Variants in UBQLN4 observed in about 807,000 individuals in gnomAD.
UBQLN4 encodes the protein ubiquilin 4, also known as ubiquilin-4.
A neutral mutation model predicts 60.4 loss-of-function variants in UBQLN4; 11 were observed. The ratio of observed to expected loss-of-function variants is 0.18; its 90% CI spans 0.11 to 0.30. UBQLN4 has a LOEUF of 0.30. Ranked by LOEUF, UBQLN4 falls within the 10% of genes least tolerant of loss-of-function variation. The pLI is 1.00. For missense variants in UBQLN4, 417 were observed against 795.5 expected (o/e 0.52, Z 5.72); for synonymous variants, 258 against 313.1 (o/e 0.82, Z 1.86).
At chr1:156,053,033 C>T (rs1420559863) in intron 1 of UBQLN4, among the ~76,000 whole-genome samples, 2 of 152,216 alleles carry the variant, frequency 1.3e-5, no homozygotes, top group African/African-American at 4.8e-5. Context: ...GTGGCGAACA[C>T]AGGCAACAGT....
rs957083875 is a variant in UBQLN4 at position 156,048,442 on chromosome 1, G to C, written c.900+59C>G. 4.5e-6 allele frequency: 7 copies of C among 1,548,450 alleles called. No homozygotes were observed. The highest frequency in any genetic ancestry group is 2.3e-4 in the Middle Eastern group (1 of 4,396). ...GAGCAGGCCCAGGTTTGCCTGGGGT[G>C]GGGGTAGGGAATCTCGAGCCCAGAC... On this transcript the variant is annotated intron_variant, in intron 5 of 10. Transcript: ENST00000368309. This position sits in a 1 kb window ranked among gnomAD's most constrained non-coding sequence, Gnocchi z 4.9.
At chr1:156,041,049 T>C (rs1292873222) in intron 10 of UBQLN4, among the ~76,000 whole-genome samples, 1 of 152,064 alleles carries the variant, frequency 6.6e-6, no homozygotes, top group African/African-American at 2.4e-5. Context: ...TAAGCAGAAA[T>C]GGTATAGTGT....
At position 156,044,221 on chromosome 1, in the gene UBQLN4, A is replaced by G. The variant is rs1486070489; in HGVS notation, c.903T>C (p.Phe301=). The G allele has an allele frequency of 6.4e-7, 1 of 1,561,776 alleles. No homozygotes were observed. The highest frequency in any genetic ancestry group is 1.2e-5 in the South Asian group (1 of 85,014). The change falls in exon 6 of 11, where the codon TTT becomes TTC. Residue 301 remains phenylalanine (F), a splice_region_variant and synonymous_variant. Coordinates refer to ENST00000368309, the MANE Select transcript of UBQLN4 (RefSeq NM_020131.5). ...CCAGGGAAGAGAAGGGATTGTTGCC[A>G]AACTGGGAGGAGGGAAAGGTTTTGG... ...EPMFSAAREQ[F]GNNPFSSLAG...
Position 156,050,586 on chromosome 1 carries a change from C to A in UBQLN4, c.479-33G>T. On this transcript the variant is annotated intron_variant, in intron 3 of 10. Transcript: ENST00000368309. This position sits in a 1 kb window ranked among gnomAD's most constrained non-coding sequence, Gnocchi z 4.6. ...AAGGGGGCAGGGTCACAGTCTGCCA[C>A]AAGAACAGTGTCCTCACTTAGCCAG... 6.3e-7 allele frequency: 1 copy of A among 1,578,420 alleles called. No individual in the cohort carries two copies.
chr1:156,034,352 G>A (rs931103603), downstream of UBQLN4, among the ~76,000 whole-genome samples: 1 of 146,582 alleles, frequency 6.8e-6, no homozygotes, highest in African/African-American at 2.6e-5. Context: ...AGGCTAGAGT[G>A]CGTGGCACAA....
At chr1:156,042,750 A>G (rs1247082758) in intron 7 of UBQLN4, 24 bp downstream of exon 7, 1 of 1,610,570 alleles carries the variant, frequency 6.2e-7, no homozygotes, top group Non-Finnish European at 8.5e-7. Context: ...CCCCAACAAT[A>G]CTCTCCTCAT....
In UBQLN4 at chr1:156,048,096, A is replaced by G. The variant is rs532063260; in HGVS notation, c.900+405T>C. ...GCCCAACCCCAGAAATGGATTCAAT[A>G]AGTAGCTCAAAGGTGGGGACCAGGA... On this transcript the variant is annotated intron_variant, in intron 5 of 10. Transcript: ENST00000368309. The surrounding 1 kb of genome is among the most constrained non-coding windows in gnomAD (Gnocchi z 4.9). 3.9e-5 allele frequency among the ~76,000 whole-genome samples: 6 copies of G among 152,274 alleles called. No individual in the cohort carries two copies. Among genetic ancestry groups the G allele is most frequent in the South Asian group, 4.1e-4 (2 of 4,822 alleles).
rs1197543238 is a variant in UBQLN4, at chr1:156,048,643, C to T, written c.758G>A (p.Arg253Gln). 5.6e-6 allele frequency: 9 copies of T among 1,613,804 alleles called. No individual in the cohort carries two copies. Among genetic ancestry groups the T allele is most frequent in the East Asian group, 2.2e-5 (1 of 44,904 alleles). ...CATCTCTTGCATCATGGCTGGATTC[C>T]GAGCAAGCTCCATTGTCTGATCAAG... is the stretch of plus-strand genomic sequence containing the variant. ...ELMRQTMELA[R>Q]NPAMMQEMMR... Residue 253 changes from arginine (R) to glutamine (Q), a missense_variant, in exon 5 of 11, where the codon CGG (arginine) becomes CAG (glutamine). Transcript: ENST00000368309. The surrounding 1 kb of genome is among the most constrained non-coding windows in gnomAD (Gnocchi z 4.9).
chr1:156,033,223 T>C (rs1292414785), downstream of UBQLN4: 7 of 984,574 alleles, frequency 7.1e-6, no homozygotes, highest in Non-Finnish European at 8.4e-6. Context: ...GACTCAGCTG[T>C]GAGCTTCACT....
At chr1:156,040,572 A>G (rs1358479416) in intron 10 of UBQLN4, among the ~76,000 whole-genome samples, 1 of 148,786 alleles carries the variant, frequency 6.7e-6, no homozygotes, top group Non-Finnish European at 1.5e-5. Context: ...CAGCCTCCTG[A>G]GTAGCTGGGA....
chr1:156,048,567 C>T lies in UBQLN4; in HGVS notation c.834G>A (p.Gly278=), dbSNP rs1372670887. 1 of 1,613,860 alleles carries T rather than the reference C, an allele frequency of 6.2e-7. No homozygotes were observed. The highest frequency in any genetic ancestry group is 1.7e-5 in the Admixed American group (1 of 60,004). ...ALSNLESIPG[G]YNALRRMYTD... is the part of the protein sequence containing the mutation. ...TGTACATGCGGCGGAGGGCATTATA[C>T]CCTCCAGGGATGCTCTCAAGGTTGC... Residue 278 remains glycine (G), a synonymous_variant, in exon 5 of 11, where the codon GGG becomes GGA. Transcript: ENST00000368309. The surrounding 1 kb of genome is among the most constrained non-coding windows in gnomAD (Gnocchi z 4.9).
At chr1:156,044,354 C>G in intron 5 of UBQLN4, 131 bp from the exon 6 acceptor site, 1 of 816,188 alleles carries the variant, frequency 1.2e-6, no homozygotes, top group Non-Finnish European at 2.0e-6. Context: ...CCTTAGAGGT[C>G]CTCAGTTCAG....
intron 1 of UBQLN4, 76 bp downstream of exon 1, chr1:156,053,518 G>T: frequency 2.9e-6 from 3 of 1,025,080 alleles, no homozygotes; most frequent in Non-Finnish European, 3.7e-6. Context: ...CCGGGACGCC[G>T]GACCGTCAGA....
At chr1:156,040,225 C>T (rs780324362) in intron 10 of UBQLN4, among the ~76,000 whole-genome samples, 32 of 151,450 alleles carry the variant, frequency 2.1e-4, no homozygotes, top group Non-Finnish European at 4.0e-4. Flanking sequence ...GAAACCCCAT[C>T]TCTACTAACA....
chr1:156,053,736 C>T lies in UBQLN4; in HGVS notation c.-35G>A. 1 of 1,219,036 alleles carries T rather than the reference C, an allele frequency of 8.2e-7. No individual in the cohort carries two copies. The highest frequency in any genetic ancestry group is 1.6e-5 in the African/African-American group (1 of 63,004). The allele number at this position is 1,219,036 out of a possible 1,614,324, so 75.5% of individuals were successfully genotyped here. A position where few individuals can be genotyped will look rare whatever the true frequency, so the allele number is the denominator to read the frequency against. Reference sequence around the variant, plus strand: ...GCCACCCGGCCGCCCGCCAGCCCGCCCGGCTCCTCCTCCTCCCCGCCCGCC... The same window carrying T: ...GCCACCCGGCCGCCCGCCAGCCCGCTCGGCTCCTCCTCCTCCCCGCCCGCC... On this transcript the variant is annotated 5_prime_UTR_variant, in exon 1 of 11. Coordinates refer to ENST00000368309, the MANE Select transcript of UBQLN4 (RefSeq NM_020131.5).
At chr1:156,042,458 CTGA>C in intron 7 of UBQLN4, 1 of 1,396,104 alleles carries the variant, frequency 7.2e-7, no homozygotes, top group Non-Finnish European at 9.3e-7. Context: ...AGCCCTGGGT[CTGA>C]TGATGATGAG....
chr1:156,037,269 G>T, intron 10 of UBQLN4, 139 bp from the exon 11 acceptor site: 2 of 1,092,204 alleles, frequency 1.8e-6, no homozygotes, highest in Non-Finnish European at 2.6e-6. Context: ...AGCTGCAAAT[G>T]GGGGCCCAGG....
intron 7 of UBQLN4, 118 bp downstream of exon 7, chr1:156,042,656 C>A: frequency 7.0e-7 from 1 of 1,432,598 alleles, no homozygotes. Context: ...TGGGAAGCAG[C>A]AGAGCTTGGG....
At chr1:156,047,690 T>C (rs1023673403) in intron 5 of UBQLN4, among the ~76,000 whole-genome samples, 1 of 149,924 alleles carries the variant, frequency 6.7e-6, no homozygotes, top group African/African-American at 2.5e-5. Context: ...GGTCAGGAGA[T>C]CAAGATCATC....
Sources: gnomAD v4.1 joint callset for allele counts (sites outside exome capture counted in the v4.1 genomes callset) on GRCh38, gnomAD v4.1.1 for gene constraint, Gnocchi (gnomAD v3.1) non-coding constraint, MANE v1.5 for transcripts, NCBI Gene and HGNC (gene_info 2026-07-23, HGNC 2026-07-21) for gene names.